The following CACNA1C variants were observed in gnomAD, a reference collection of about 807,000 sequenced individuals.
CACNA1C encodes the protein calcium voltage-gated channel subunit alpha1 C.
Under a neutral mutation model 229.0 loss-of-function variants are expected in CACNA1C, and 30 were observed. That is an observed-to-expected ratio of 0.13 (90% CI 0.10 to 0.18). The LOEUF is 0.18. Ranked by LOEUF, CACNA1C falls within the 10% of genes least tolerant of loss-of-function variation. The pLI is 1.00. For missense variants in CACNA1C, 1,658 were observed against 2,845.0 expected, an observed-to-expected ratio of 0.58 and a Z score of 9.49; for synonymous variants, 1,114 against 1,132.5, an observed-to-expected ratio of 0.98 and a Z score of 0.33.
At chr12:2,123,079 TTTAAGA>T (rs1414463915) in intron 3 of CACNA1C, among the ~76,000 whole-genome samples, 1 of 152,180 alleles carries the variant, frequency 6.6e-6, no homozygotes, top group African/African-American at 2.4e-5. Flanking sequence ...GCTTCTCCAC[TTTAAGA>T]TTAAGTCTGG....
At chr12:2,114,942 G>A (rs961528897) in intron 1 of CACNA1C, among the ~76,000 whole-genome samples, 3 of 152,160 alleles carry the variant, frequency 2.0e-5, no homozygotes, top group Admixed American at 6.5e-5. Flanking sequence ...AGGTCCATAC[G>A]TGCTGTAATG....
In CACNA1C at chr12:2,549,997, G is replaced by A. The variant is rs1351927736; in HGVS notation, c.1445G>A (p.Gly482Asp). 6.2e-7 allele frequency: 1 copy of A among 1,608,240 alleles called. No homozygotes were observed. Among genetic ancestry groups the A allele is most frequent in the Non-Finnish European group, 8.5e-7 (1 of 1,177,392 alleles). Residue 482 changes from glycine to aspartate, a missense_variant, in exon 10 of 47, where the codon GGT (glycine) becomes GAT (aspartate). Coordinates refer to ENST00000399655, the MANE Select transcript of CACNA1C (RefSeq NM_000719.7). ...ESVNTENVAG[G>D]DIEGENCGAR... The stretch of plus-strand genomic sequence containing the variant: ...GTCAACACCGAAAACGTGGCTGGAG[G>A]TGACATCGAGGGAGAAAACTGCGGG...
rs775019372 is a variant in CACNA1C, at chr12:2,115,335, C to G, written c.161C>G (p.Ala54Gly). The G allele has an allele frequency of 6.3e-7, 1 of 1,581,328 alleles. No individual in the cohort carries two copies. The highest frequency in any genetic ancestry group is 1.1e-5 in the South Asian group (1 of 87,484). Residue 54 changes from alanine to glycine, a missense_variant, in exon 2 of 47, where the codon GCG (alanine) becomes GGG (glycine). Ala to Gly is a moderately conservative substitution (Grantham distance 60). Coordinates refer to ENST00000399655, the MANE Select transcript of CACNA1C (RefSeq NM_000719.7). ...CCGGGGGCTGCCCTGTCGTGGCAGG[C>G]GGCCATCGACGCAGCCCGGCAGGCT... ...PTPGAALSWQAAIDAARQAKL... is the reference protein window; with the variant it reads ...PTPGAALSWQGAIDAARQAKL...
At chr12:2,232,227 GTTTTTT>G (rs1169407536) in intron 3 of CACNA1C, among the ~76,000 whole-genome samples, 43 of 73,558 alleles carry the variant, frequency 5.8e-4, no homozygotes, top group African/African-American at 1.7e-3. Context: ...GTCTTTCCTT[GTTTTTT>G]TTTTTTTTTT....
chr12:2,280,759 C>T (rs1234439963), intron 3 of CACNA1C, among the ~76,000 whole-genome samples: 6 of 151,546 alleles, frequency 4.0e-5, no homozygotes, highest in African/African-American at 1.5e-4. Context: ...TCGGTTTAAC[C>T]TCTTGATACC....
chr12:2,634,414 G>A, intron 30 of CACNA1C, 34 bp downstream of exon 30: 2 of 1,187,112 alleles, frequency 1.7e-6, no homozygotes, highest in Non-Finnish European at 2.4e-6. Flanking sequence ...AACCGTCCGT[G>A]CCTGCTCTAA....
chr12:2,116,305 C>T (rs1483016385), intron 2 of CACNA1C, among the ~76,000 whole-genome samples: 1 of 151,908 alleles, frequency 6.6e-6, no homozygotes, highest in African/African-American at 2.4e-5. Context: ...AAGGGATGGG[C>T]GCTCGCTGTG....
At chr12:2,447,127 C>T (rs1278299134) in intron 3 of CACNA1C, among the ~76,000 whole-genome samples, 2 of 152,158 alleles carry the variant, frequency 1.3e-5, no homozygotes, top group African/African-American at 4.8e-5. Context: ...CTCCACTATT[C>T]CCACTCCCAC....
intron 32 of CACNA1C, among the ~76,000 whole-genome samples, chr12:2,652,124 G>T (rs1471553375): frequency 5.3e-5 from 8 of 152,206 alleles, no homozygotes; most frequent in Admixed American, 5.2e-4. Flanking sequence ...CACGGGCCTG[G>T]ACAACCTGGT....
At position 2,677,066 on chromosome 12, in the gene CACNA1C, CCCCCTCT is replaced by C; in HGVS notation, c.4829-18_4829-12del. 1.9e-6 allele frequency: 3 copies of C among 1,599,438 alleles called. No homozygotes were observed. Among genetic ancestry groups the C allele is most frequent in the South Asian group, 2.2e-5 (2 of 89,666 alleles). ...ACTGAATTCCCCTGCTCCCCTCTTA[CCCCCTCT>C]CCCCTCTCCATACGTCTCAGATGAT... On this transcript the variant is annotated intron_variant, in intron 39 of 46. Transcript: ENST00000399655. This position sits in a 1 kb window ranked among gnomAD's most constrained non-coding sequence, Gnocchi z 7.4.
chr12:2,119,055 C>T (rs1035346913), intron 2 of CACNA1C, among the ~76,000 whole-genome samples: 1 of 152,154 alleles, frequency 6.6e-6, no homozygotes, highest in African/African-American at 2.4e-5. Context: ...GTCAGAAGGC[C>T]GTCTGTGGCA....
upstream of CACNA1C, chr12:2,049,124 G>A (rs1018290012): frequency 6.6e-6 from 1 of 152,138 alleles, no homozygotes. Context: ...TATTGTTCAT[G>A]TCTATGTAGA....
At chr12:2,662,931 T>G (rs2095842139) in intron 34 of CACNA1C, among the ~76,000 whole-genome samples, 1 of 152,212 alleles carries the variant, frequency 6.6e-6, no homozygotes, top group Admixed American at 6.5e-5. Flanking sequence ...ATGACTTATC[T>G]ATGCAGAAAA....
intron 1 of CACNA1C, among the ~76,000 whole-genome samples, chr12:1,986,223 G>A (rs2037733497): frequency 6.6e-6 from 1 of 152,114 alleles, no homozygotes; most frequent in Non-Finnish European, 1.5e-5. Flanking sequence ...TTATTTCCTG[G>A]GTTCTGTTAC....
At chr12:2,463,960 G>A (rs1251807558) in intron 5 of CACNA1C, among the ~76,000 whole-genome samples, 1 of 152,190 alleles carries the variant, frequency 6.6e-6, no homozygotes, top group Non-Finnish European at 1.5e-5. Context: ...CATAGGGAGA[G>A]TTGTGGTTAA....
chr12:2,634,389 A>T lies in CACNA1C; in HGVS notation c.3912+9A>T. On this transcript the variant is annotated intron_variant, in intron 30 of 46. Coordinates refer to ENST00000399655, the MANE Select transcript of CACNA1C (RefSeq NM_000719.7). ...CAATCACCGAGGTAAACGTAAGTACATGGCGTCTGTCCCTAACCGTCCGTG... is the reference window on the plus strand; with the variant it reads ...CAATCACCGAGGTAAACGTAAGTACTTGGCGTCTGTCCCTAACCGTCCGTG... The T allele has an allele frequency of 6.6e-7, 1 of 1,519,136 alleles. No homozygotes were observed. The highest frequency in any genetic ancestry group is 9.0e-7 in the Non-Finnish European group (1 of 1,109,886). 94.1% of individuals were successfully genotyped at this position (1,519,136 alleles called of 1,614,324 possible).
At chr12:2,124,776 G>A (rs2089263541) in intron 3 of CACNA1C, among the ~76,000 whole-genome samples, 1 of 152,158 alleles carries the variant, frequency 6.6e-6, no homozygotes, top group South Asian at 2.1e-4. Flanking sequence ...GGAGCCAGGT[G>A]CCCTTGGCCA....
chr12:2,114,209 T>C (rs2299658), intron 1 of CACNA1C, among the ~76,000 whole-genome samples: 7,278 of 152,278 alleles, frequency 0.048, 500 homozygotes, highest in African/African-American at 0.15. Context: ...CAGATGGTGA[T>C]TGGAGCAGCT....
chr12:1,998,048 A>G (rs141515017), intron 1 of CACNA1C: 16 of 1,353,990 alleles, frequency 1.2e-5, no homozygotes, highest in Non-Finnish European at 1.4e-5. Context: ...ACAAATTCTC[A>G]TAGAATAGGA....
Sources: gnomAD v4.1 joint callset for allele counts (sites outside exome capture counted in the v4.1 genomes callset) on GRCh38, gnomAD v4.1.1 for gene constraint, Gnocchi (gnomAD v3.1) non-coding constraint, MANE v1.5 for transcripts, NCBI Gene and HGNC (gene_info 2026-07-23, HGNC 2026-07-21) for gene names.